Variants in MMRN2 observed in about 807,000 individuals in gnomAD.
MMRN2 encodes the protein multimerin-2.
In MMRN2, 53 loss-of-function variants were observed where a neutral mutation model predicts 68.8. The observed-to-expected ratio is 0.77, with a 90% CI of 0.62 to 0.97. The LOEUF is 0.97. MMRN2 is among the 50% of genes least tolerant of loss of function. The pLI is 0.00. For synonymous variants in MMRN2, 564 were observed against 551.6 expected, an observed-to-expected ratio of 1.02 and a Z score of -0.32; for missense variants, 1,266 against 1,259.5, an observed-to-expected ratio of 1.01 and a Z score of -0.08.
rs780828196 is a variant in MMRN2 at position 86,957,449 on chromosome 10, A to G, written c.93T>C (p.Asp31=). 2.5e-6 allele frequency: 4 copies of G among 1,613,606 alleles called. No individual in the cohort carries two copies. ...CCCCAGGTGTCCTGGAGCTCTGCAG[A>G]TCAGAGAGGCTAGTACTGGAAGCCT... ...WAQASSTSLS[D]LQSSRTPGVW... Residue 31 remains aspartate (D), a synonymous_variant, in exon 1 of 7, where the codon GAT becomes GAC. Coordinates refer to ENST00000372027, the MANE Select transcript of MMRN2 (RefSeq NM_024756.3).
Position 86,944,427 on chromosome 10 carries a change from C to A in MMRN2, c.490G>T (p.Ala164Ser). The change falls in exon 5 of 7, where the codon GCT becomes TCT. Residue 164 changes from alanine (A) to serine (S), a missense_variant. Coordinates refer to ENST00000372027, the MANE Select transcript of MMRN2 (RefSeq NM_024756.3). Reference sequence around the variant, plus strand: ...ACCTCAACCTCATTGATCACTGCAGCAAGGTGGCCTAAATACACAGCAGAC... The same window carrying A: ...ACCTCAACCTCATTGATCACTGCAGAAAGGTGGCCTAAATACACAGCAGAC... ...GPVSFKPGHL[A>S]AVINEVEVQQ... 6.2e-7 allele frequency: 1 copy of A among 1,613,682 alleles called. No individual in the cohort carries two copies. Among genetic ancestry groups the A allele is most frequent in the Non-Finnish European group, 8.5e-7 (1 of 1,179,996 alleles).
chr10:86,943,410 C>G lies in MMRN2; in HGVS notation c.1374G>C (p.Glu458Asp), dbSNP rs752144509. The G allele has an allele frequency of 1.5e-5, 24 of 1,613,922 alleles. 1 individual carries two copies. In the South Asian group the frequency reaches 2.5e-4, roughly 17 times the overall value. ...VILMEKSLIMEENKEEVERQL... is the reference protein window; with the variant it reads ...VILMEKSLIMDENKEEVERQL... ...GCCGCTCCACCTCCTCCTTGTTCTCCTCCATGATCAGAGACTTCTCCATCA... is the reference window on the plus strand; with the variant it reads ...GCCGCTCCACCTCCTCCTTGTTCTCGTCCATGATCAGAGACTTCTCCATCA... The change falls in exon 6 of 7, where the codon GAG (glutamate) becomes GAC (aspartate). Residue 458 changes from glutamate (E) to aspartate (D), a missense_variant. Physicochemically the swap from Glu to Asp is conservative, Grantham distance 45. Coordinates refer to ENST00000372027, the MANE Select transcript of MMRN2 (RefSeq NM_024756.3). This position sits in a 1 kb window ranked among gnomAD's most constrained non-coding sequence, Gnocchi z 4.2.
intron 1 of MMRN2, among the ~76,000 whole-genome samples, chr10:86,946,451 A>G (rs897656962): frequency 1.3e-5 from 2 of 152,230 alleles, no homozygotes; most frequent in Non-Finnish European, 2.9e-5. Context: ...TGGGTGGAGC[A>G]GTGTCCTCTC....
At chr10:86,956,769 A>AG (rs1315553546) in intron 1 of MMRN2, among the ~76,000 whole-genome samples, 1 of 152,194 alleles carries the variant, frequency 6.6e-6, no homozygotes, top group Non-Finnish European at 1.5e-5. Context: ...GTTGGAGATG[A>AG]GGGGGGACTT....
chr10:86,945,267 A>G lies in MMRN2; in HGVS notation c.402T>C (p.Asp134=). 1 of 1,613,718 alleles carries G rather than the reference A, an allele frequency of 6.2e-7. No homozygotes were observed. Among genetic ancestry groups the G allele is most frequent in the Non-Finnish European group, 8.5e-7 (1 of 1,179,974 alleles). ...GYTGPNCEHH[D]SMAIPEPADP... ...CTGCAGGCTCAGGGATTGCCATGGA[A>G]TCTGCAGAAGAAAGCATTAGTTATT... Residue 134 remains aspartate, a splice_region_variant and synonymous_variant, in exon 4 of 7, where the codon GAT becomes GAC. Coordinates refer to ENST00000372027, the MANE Select transcript of MMRN2 (RefSeq NM_024756.3).
intron 1 of MMRN2, among the ~76,000 whole-genome samples, chr10:86,948,320 A>G (rs1844098390): frequency 6.6e-6 from 1 of 152,104 alleles, no homozygotes; most frequent in African/African-American, 2.4e-5. Context: ...GAACCACTCA[A>G]ACATTTGTAC....
rs1589301994 is a variant in MMRN2 at position 86,943,412 on chromosome 10, C to G, written c.1372G>C (p.Glu458Gln). The stretch of plus-strand genomic sequence containing the variant: ...CGCTCCACCTCCTCCTTGTTCTCCT[C>G]CATGATCAGAGACTTCTCCATCAGG... ...VILMEKSLIM[E>Q]ENKEEVERQL... is the part of the protein sequence containing the mutation. The change falls in exon 6 of 7, where the codon GAG becomes CAG. Residue 458 changes from glutamate to glutamine, a missense_variant. Glu to Gln is a conservative substitution (Grantham distance 29). Transcript: ENST00000372027. The surrounding 1 kb of genome is among the most constrained non-coding windows in gnomAD (Gnocchi z 4.2). 1 of 1,614,036 alleles carries G rather than the reference C, an allele frequency of 6.2e-7. No individual in the cohort carries two copies. Among genetic ancestry groups the G allele is most frequent in the Non-Finnish European group, 8.5e-7 (1 of 1,179,976 alleles).
chr10:86,937,002 G>T lies in MMRN2; in HGVS notation c.2591C>A (p.Ala864Asp), dbSNP rs766427968. The T allele has an allele frequency of 1.9e-6, 3 of 1,614,228 alleles. No individual in the cohort carries two copies. Among genetic ancestry groups the T allele is most frequent in the South Asian group, 1.1e-5 (1 of 91,082 alleles). ...AAACAGGTAGACACCACGCTCAGGG[G>T]CTCGGAAGTAGCCATGTTCAGGGAA... ...SYFPEHGYFR[A>D]PERGVYLFAV... Residue 864 changes from alanine to aspartate, a missense_variant, in exon 7 of 7, where the codon GCC becomes GAC. Physicochemically the swap from Ala to Asp is moderately radical, Grantham distance 126 (BLOSUM62 -2). Transcript: ENST00000372027.
Position 86,936,556 on chromosome 10 carries a change from C to T in MMRN2, c.*187G>A. ...TGCCCGGAGAAGCATTCCAGTCCTT[C>T]TCATCATGGAGAAATGGCCAAGCCC... On this transcript the variant is annotated 3_prime_UTR_variant, in exon 7 of 7. Transcript: ENST00000372027. The T allele has an allele frequency of 1.5e-6, 1 of 678,052 alleles. No individual in the cohort carries two copies. Among genetic ancestry groups the T allele is most frequent in the Non-Finnish European group, 2.5e-6 (1 of 401,712 alleles). The allele number at this position is 678,052 out of a possible 1,614,324, so 42.0% of individuals were successfully genotyped here.
rs761418927 is a variant in MMRN2 at position 86,937,086 on chromosome 10, G to A, written c.2507C>T (p.Thr836Met). The stretch of plus-strand genomic sequence containing the variant: ...GAACTTCACTGTCTGCAGGGCAGCC[G>A]TCCCTTCTGAAAAGCTGGCATAGAA... ...VAFYASFSEG[T>M]AALQTVKFNT... is the part of the protein sequence containing the mutation. Residue 836 changes from threonine (T) to methionine (M), a missense_variant, in exon 7 of 7, where the codon ACG (threonine) becomes ATG (methionine). Physicochemically the swap from Thr to Met is moderately conservative, Grantham distance 81. Transcript: ENST00000372027. The A allele has an allele frequency of 1.4e-5, 23 of 1,614,070 alleles. 1 individual carries two copies. Among genetic ancestry groups the A allele is most frequent in the East Asian group, 1.1e-4 (5 of 44,898 alleles).
intron 6 of MMRN2, among the ~76,000 whole-genome samples, chr10:86,941,798 T>TAAAAAAAAAAAAA (rs55898424): frequency 8.7e-6 from 1 of 115,074 alleles, no homozygotes; most frequent in Non-Finnish European, 1.7e-5. Context: ...AGACCCATCT[T>TAAAAAAAAAAAAA]AAAAAAAAAA....
At chr10:86,957,215 C>T (rs1244453893) in intron 1 of MMRN2, among the ~76,000 whole-genome samples, 163 bp downstream of exon 1, 2 of 152,230 alleles carry the variant, frequency 1.3e-5, no homozygotes, top group Non-Finnish European at 2.9e-5. Context: ...TCCTGAAACA[C>T]CCAGTCCAGA....
intron 1 of MMRN2, among the ~76,000 whole-genome samples, chr10:86,953,406 G>A (rs1397737467): frequency 6.6e-6 from 1 of 152,162 alleles, no homozygotes; most frequent in Non-Finnish European, 1.5e-5. Flanking sequence ...TTTGGGAACT[G>A]ATATATGCCC....
chr10:86,939,736 A>C (rs757003299), intron 6 of MMRN2, among the ~76,000 whole-genome samples: 2 of 151,886 alleles, frequency 1.3e-5, no homozygotes, highest in Admixed American at 6.5e-5. Flanking sequence ...GCAAACTCAG[A>C]GTGTGCTTCC....
intron 1 of MMRN2, among the ~76,000 whole-genome samples, chr10:86,946,472 A>G (rs775250885): frequency 1.3e-5 from 2 of 152,218 alleles, no homozygotes; most frequent in Non-Finnish European, 2.9e-5. Context: ...TGGGATGGCC[A>G]CCGCATCAAG....
In MMRN2 at chr10:86,937,109, G is replaced by C. The variant is rs762570476; in HGVS notation, c.2484C>G (p.Phe828Leu). Residue 828 changes from phenylalanine (F) to leucine (L), a missense_variant, in exon 7 of 7, where the codon TTC (phenylalanine) becomes TTG (leucine). Transcript: ENST00000372027. ...CCGTCCCTTCTGAAAAGCTGGCATA[G>C]AAGGCCACAGGGGATCCTGAAACAT... ...ALWEAGSPVA[F>L]YASFSEGTAA... The C allele has an allele frequency of 1.2e-6, 2 of 1,614,196 alleles. No homozygotes were observed. Among genetic ancestry groups the C allele is most frequent in the Non-Finnish European group, 1.7e-6 (2 of 1,180,024 alleles).
chr10:86,957,147 C>T (rs1023555773), intron 1 of MMRN2, among the ~76,000 whole-genome samples: 2 of 152,252 alleles, frequency 1.3e-5, no homozygotes, highest in African/African-American at 4.8e-5. Flanking sequence ...TGCCAGCCCC[C>T]CAAGCCCCAT....
intron 6 of MMRN2, 139 bp downstream of exon 6, chr10:86,942,178 A>G: frequency 9.9e-7 from 1 of 1,008,426 alleles, no homozygotes; most frequent in Admixed American, 2.9e-5. Context: ...CAGGTGGGCC[A>G]AGGGGAAGGT....
intron 4 of MMRN2, 25 bp downstream of exon 4, chr10:86,945,163 C>T (rs756444883): frequency 4.4e-5 from 70 of 1,608,916 alleles, no homozygotes; most frequent in Non-Finnish European, 5.8e-5. Context: ...GCCTGCCTGC[C>T]TTCCCCTTCC....
Sources: gnomAD v4.1 joint callset for allele counts (sites outside exome capture counted in the v4.1 genomes callset) on GRCh38, gnomAD v4.1.1 for gene constraint, Gnocchi (gnomAD v3.1) non-coding constraint, MANE v1.5 for transcripts, NCBI Gene and HGNC (gene_info 2026-07-23, HGNC 2026-07-21) for gene names.